KCNK10: variants seen among roughly 807,000 people sequenced by gnomAD.
KCNK10 encodes the protein potassium channel subfamily K member 10.
Under a neutral mutation model 47.7 loss-of-function variants are expected in KCNK10, and 25 were observed. The ratio of observed to expected loss-of-function variants is 0.52; its 90% CI spans 0.38 to 0.73. The LOEUF is 0.73. KCNK10 is among the 30% of genes least tolerant of loss of function. KCNK10 has a pLI of 0.00. For missense variants in KCNK10, 563 were observed against 714.5 expected, an observed-to-expected ratio of 0.79 and a Z score of 2.42; for synonymous variants, 303 against 285.6, an observed-to-expected ratio of 1.06 and a Z score of -0.61.
intron 4 of KCNK10, among the ~76,000 whole-genome samples, chr14:88,211,096 A>T (rs2139850800): frequency 6.6e-6 from 1 of 152,356 alleles, no homozygotes; most frequent in Middle Eastern, 3.4e-3. Flanking sequence ...AAAAAGTGGA[A>T]ACAGCCCAAA....
intron 3 of KCNK10, among the ~76,000 whole-genome samples, chr14:88,240,449 C>G (rs570244054): frequency 1.3e-5 from 2 of 152,062 alleles, no homozygotes; most frequent in Non-Finnish European, 2.9e-5. Context: ...CGAGTTCAAC[C>G]GACCAACTCA....
chr14:88,253,668 G>T (rs1208306309), intron 2 of KCNK10, among the ~76,000 whole-genome samples: 1 of 152,186 alleles, frequency 6.6e-6, no homozygotes, highest in African/African-American at 2.4e-5. Flanking sequence ...GGGAGGCTGA[G>T]GTGGGCAGAT....
At chr14:88,221,712 G>A (rs1337915685) in intron 4 of KCNK10, among the ~76,000 whole-genome samples, 2 of 152,076 alleles carry the variant, frequency 1.3e-5, no homozygotes, top group Non-Finnish European at 2.9e-5. Context: ...TTAACTAAAG[G>A]AGTTGAAAAC....
chr14:88,205,951 A>G (rs1885261063), intron 4 of KCNK10, among the ~76,000 whole-genome samples: 1 of 152,236 alleles, frequency 6.6e-6, no homozygotes, highest in Non-Finnish European at 1.5e-5. Context: ...TTCATCTAGC[A>G]AGAGATAAAC....
Position 88,227,470 on chromosome 14 carries a change from C to T in KCNK10, c.586G>A (p.Gly196Arg). 6.2e-7 allele frequency: 1 copy of T among 1,613,496 alleles called. No homozygotes were observed. ...AATAAGAAACCAAAGAGTGGAATTC[C>T]AAAGATGGCATATAAAATACAAAAG... ...KIFCILYAIF[G>R]IPLFGFLLAG... The change falls in exon 4 of 7, where the codon GGA becomes AGA. Residue 196 changes from glycine (G) to arginine (R), a missense_variant. By Grantham distance (125) the Gly-to-Arg change is moderately radical. Transcript: ENST00000319231.
intron 4 of KCNK10, among the ~76,000 whole-genome samples, chr14:88,221,300 T>TAAATAATAA: frequency 1.4e-5 from 1 of 68,976 alleles, no homozygotes. Context: ...AGACTCTGTC[T>TAAATAATAA]CAATAATAAT....
chr14:88,218,545 C>T (rs547288355), intron 4 of KCNK10, among the ~76,000 whole-genome samples: 119 of 134,862 alleles, frequency 8.8e-4, no homozygotes, highest in African/African-American at 3.1e-3. Flanking sequence ...ATCCTTGGGG[C>T]GGGGGGAAAG....
rs182951783 is a variant in KCNK10, at chr14:88,241,209, T to C, written c.403-389A>G. On this transcript the variant is annotated intron_variant, in intron 2 of 6. Coordinates refer to ENST00000319231, the MANE Select transcript of KCNK10 (RefSeq NM_138317.3). ...CAGGATTTTGGTTGCTTTTTCACTC[T>C]TTTCTGTCTTGTAAGAATGTTTTAC... 2.5e-3 allele frequency among the ~76,000 whole-genome samples: 382 copies of C among 152,348 alleles called. 1 individual carries two copies. The highest frequency in any genetic ancestry group is 3.8e-3 in the Non-Finnish European group (260 of 68,026).
intron 6 of KCNK10, among the ~76,000 whole-genome samples, chr14:88,187,625 A>ACACC (rs1555359137): frequency 1.6e-4 from 12 of 74,240 alleles, no homozygotes; most frequent in African/African-American, 3.8e-4. Flanking sequence ...GACAGGCTGC[A>ACACC]CCCCCCCACA....
chr14:88,227,510 A>C lies in KCNK10; in HGVS notation c.546T>G (p.Thr182=). ...TIGYGNIAPS[T]EGGKIFCILY... is the part of the protein sequence containing the mutation. ...AAATACAAAAGATTTTGCCTCCTTC[A>C]GTGCTCGGAGCAATATTCCCATACC... The change falls in exon 4 of 7, where the codon ACT becomes ACG. Residue 182 remains threonine, a synonymous_variant. Transcript: ENST00000319231. 1.2e-6 allele frequency: 2 copies of C among 1,611,298 alleles called. No individual in the cohort carries two copies. The highest frequency in any genetic ancestry group is 1.3e-5 in the African/African-American group (1 of 74,894).
chr14:88,267,782 G>C (rs1443623453), intron 1 of KCNK10, among the ~76,000 whole-genome samples: 1 of 152,124 alleles, frequency 6.6e-6, no homozygotes, highest in African/African-American at 2.4e-5. Context: ...TCAACCACTG[G>C]AGTTCTCATG....
Position 88,240,824 on chromosome 14 carries a change from C to G in KCNK10, c.403-4G>C, listed in dbSNP as rs778774227. The stretch of plus-strand genomic sequence containing the variant: ...CATTGTCAGCATCAAGAGCATGCTG[C>G]AAAGAAAGGGAAAAAGCATAAGACT... On this transcript the variant is annotated splice_region_variant and splice_polypyrimidine_tract_variant and intron_variant, in intron 2 of 6. Coordinates refer to ENST00000319231, the MANE Select transcript of KCNK10 (RefSeq NM_138317.3). 6.4e-7 allele frequency: 1 copy of G among 1,553,980 alleles called. No homozygotes were observed. Among genetic ancestry groups the G allele is most frequent in the Non-Finnish European group, 8.8e-7 (1 of 1,130,846 alleles).
rs750667713 is a variant in KCNK10, at chr14:88,240,798, G to A, written c.425C>T (p.Ala142Val). The change falls in exon 3 of 7, where the codon GCG becomes GTG. Residue 142 changes from alanine (A) to valine (V), a missense_variant. Ala to Val is a moderately conservative substitution (Grantham distance 64, BLOSUM62 0). Coordinates refer to ENST00000319231, the MANE Select transcript of KCNK10 (RefSeq NM_138317.3). ...LIQHALDADNAGVSPIGNSSN... is the reference protein window; with the variant it reads ...LIQHALDADNVGVSPIGNSSN... ...AGAGTTTCCTATTGGACTGACTCCC[G>A]CATTGTCAGCATCAAGAGCATGCTG... is the stretch of plus-strand genomic sequence containing the variant. The A allele has an allele frequency of 5.6e-6, 9 of 1,610,478 alleles. No individual in the cohort carries two copies. The highest frequency in any genetic ancestry group is 3.3e-5 in the South Asian group (3 of 90,970).
chr14:88,310,187 CCATAT>C (rs1566721451), intron 1 of KCNK10, among the ~76,000 whole-genome samples: 3 of 131,622 alleles, frequency 2.3e-5, no homozygotes, highest in African/African-American at 5.3e-5. Flanking sequence ...ATATGATATA[CCATAT>C]CATATGGTAT....
At chr14:88,225,382 T>C (rs1263713130) in intron 4 of KCNK10, among the ~76,000 whole-genome samples, 2 of 152,178 alleles carry the variant, frequency 1.3e-5, no homozygotes, top group Admixed American at 6.5e-5. Context: ...TGCAAGGAGC[T>C]GAGTGGACAA....
intron 4 of KCNK10, among the ~76,000 whole-genome samples, chr14:88,204,680 A>T (rs1030740962): frequency 2.7e-5 from 4 of 148,584 alleles, no homozygotes; most frequent in African/African-American, 5.0e-5. Flanking sequence ...TGGATGGTTT[A>T]TTGGTGCCCC....
chr14:88,194,962 G>A (rs958579439), intron 4 of KCNK10, among the ~76,000 whole-genome samples: 4 of 151,932 alleles, frequency 2.6e-5, no homozygotes, highest in African/African-American at 9.7e-5. Context: ...AAGTGCTGTG[G>A]GCGTAAGGTT....
intron 4 of KCNK10, among the ~76,000 whole-genome samples, chr14:88,201,157 G>C (rs550306586): frequency 6.4e-4 from 98 of 152,314 alleles, no homozygotes; most frequent in African/African-American, 2.2e-3. Context: ...AGGCCTCATG[G>C]CAGAATCAGG....
intron 4 of KCNK10, among the ~76,000 whole-genome samples, chr14:88,210,902 G>A (rs1285150945): frequency 6.6e-6 from 1 of 151,794 alleles, no homozygotes; most frequent in Non-Finnish European, 1.5e-5. Context: ...GGCATTGTTG[G>A]TGGGAATGTG....
Sources: gnomAD v4.1 joint callset for allele counts (sites outside exome capture counted in the v4.1 genomes callset) on GRCh38, gnomAD v4.1.1 for gene constraint, MANE v1.5 for transcripts, NCBI Gene and HGNC (gene_info 2026-07-23, HGNC 2026-07-21) for gene names.